The following SMCR8 variants were observed in gnomAD, a reference collection of about 807,000 sequenced individuals.
SMCR8 encodes SMCR8-C9orf72 complex subunit.
A neutral mutation model predicts 56.6 loss-of-function variants in SMCR8; 30 were observed. The observed-to-expected ratio is 0.53, with a 90% CI of 0.40 to 0.72. The LOEUF (loss-of-function observed/expected upper bound fraction) is 0.72. SMCR8 is among the 30% of genes least tolerant of loss of function. The pLI, the probability that SMCR8 is intolerant of heterozygous loss-of-function variation, is 0.00. For missense variants in SMCR8, 1,198 were observed against 1,157.0 expected (o/e 1.04, Z -0.51); for synonymous variants, 538 against 456.0 (o/e 1.18, Z -2.29).
chr17:18,323,073 T>A lies in SMCR8; in HGVS notation c.*3T>A. On this transcript the variant is annotated 3_prime_UTR_variant, in exon 2 of 2. Transcript: ENST00000406438. ...CCAGCTTTTTGTATAAAATCTGAGG[T>A]CGGTCCCAGACACTGTGACCAAGAC... 1 of 1,609,904 alleles carries A rather than the reference T, an allele frequency of 6.2e-7. No individual in the cohort carries two copies.
Position 18,317,367 on chromosome 17 carries a change from G to A in SMCR8, c.1578G>A (p.Glu526=), listed in dbSNP as rs749984944. ...AAGTCCTCAGTACCTGCCCCTCTGA[G>A]GCCCTCATCCCTGATGACTTTAAGG... is the stretch of plus-strand genomic sequence containing the variant. ...SIEVLSTCPS[E]ALIPDDFKAS... The change falls in exon 1 of 2, where the codon GAG becomes GAA. Residue 526 remains glutamate (E), a synonymous_variant. Transcript: ENST00000406438. The A allele has an allele frequency of 1.9e-6, 3 of 1,614,112 alleles. No homozygotes were observed. Among genetic ancestry groups the A allele is most frequent in the Admixed American group, 3.3e-5 (2 of 60,004 alleles).
intron 1 of SMCR8, among the ~76,000 whole-genome samples, chr17:18,318,437 C>G (rs1464235826): frequency 6.6e-6 from 1 of 152,196 alleles, no homozygotes; most frequent in Non-Finnish European, 1.5e-5. Context: ...AAGTCTCGCT[C>G]TTGTACCCCA....
chr17:18,316,788 G>T lies in SMCR8; in HGVS notation c.999G>T (p.Gln333His), dbSNP rs1367664689. The change falls in exon 1 of 2, where the codon CAG becomes CAT. Residue 333 changes from glutamine to histidine, a missense_variant. Gln to His is a conservative substitution (Grantham distance 24). Coordinates refer to ENST00000406438, the MANE Select transcript of SMCR8 (RefSeq NM_144775.3). The stretch of plus-strand genomic sequence containing the variant: ...TCTGTGACACTGAATATTTCACCCA[G>T]ACCCTGGCTCAGCTCAGCCACATTG... ...EELCDTEYFT[Q>H]TLAQLSHIEH... The T allele has an allele frequency of 1.9e-6, 3 of 1,614,242 alleles. No individual in the cohort carries two copies. The highest frequency in any genetic ancestry group is 2.5e-6 in the Non-Finnish European group (3 of 1,180,056).
Position 18,327,062 on chromosome 17 carries a change from G to A in SMCR8, c.*3992G>A, listed in dbSNP as rs1000087819. The A allele has an allele frequency of 1.3e-5, 2 of 152,476 alleles. No homozygotes were observed. The highest frequency in any genetic ancestry group is 4.8e-5 in the African/African-American group (2 of 41,460). 9.4% of individuals were successfully genotyped at this position (152,476 alleles called of 1,614,324 possible). On this transcript the variant is annotated 3_prime_UTR_variant, in exon 2 of 2. Coordinates refer to ENST00000406438, the MANE Select transcript of SMCR8 (RefSeq NM_144775.3). The stretch of plus-strand genomic sequence containing the variant: ...TGTGATGGAACATAATAAAACTGGA[G>A]ATATGGTTTTTAACACTGCAAAAAG...
intron 1 of SMCR8, among the ~76,000 whole-genome samples, chr17:18,318,633 A>G (rs1156681318): frequency 2.0e-5 from 3 of 152,030 alleles, no homozygotes; most frequent in Admixed American, 6.6e-5. Context: ...GGAACTCCTG[A>G]CCTTAGGTGG....
At position 18,316,133 on chromosome 17, in the gene SMCR8, T is replaced by A; in HGVS notation, c.344T>A (p.Leu115Gln). 6.2e-7 allele frequency: 1 copy of A among 1,614,162 alleles called. No individual in the cohort carries two copies. Among genetic ancestry groups the A allele is most frequent in the Non-Finnish European group, 8.5e-7 (1 of 1,180,038 alleles). The part of the protein sequence containing the change: ...GHPPGSAYPK[L>Q]NFVEDSKVVL... Reference sequence around the variant, plus strand: ...CCTCCTGGATCTGCCTACCCCAAGCTGAACTTCGTGGAGGACTCCAAGGTG... The same window carrying A: ...CCTCCTGGATCTGCCTACCCCAAGCAGAACTTCGTGGAGGACTCCAAGGTG... The change falls in exon 1 of 2, where the codon CTG (leucine) becomes CAG (glutamine). Residue 115 changes from leucine to glutamine, a missense_variant. Leu to Gln is a moderately radical substitution (Grantham distance 113). Transcript: ENST00000406438.
In SMCR8 at chr17:18,326,201, T is replaced by G. The variant is rs2151556649; in HGVS notation, c.*3131T>G. Reference sequence around the variant, plus strand: ...CTACTTTCTCAGTCCTCACTATTGCTTTGAGGGCCCAGGTACTGAAACTGG... The same window carrying G: ...CTACTTTCTCAGTCCTCACTATTGCGTTGAGGGCCCAGGTACTGAAACTGG... On this transcript the variant is annotated 3_prime_UTR_variant, in exon 2 of 2. Coordinates refer to ENST00000406438, the MANE Select transcript of SMCR8 (RefSeq NM_144775.3). 1 of 152,364 alleles carries G rather than the reference T, an allele frequency of 6.6e-6. No individual in the cohort carries two copies. The highest frequency in any genetic ancestry group is 2.4e-5 in the African/African-American group (1 of 41,576). 9.4% of individuals were successfully genotyped at this position (152,364 alleles called of 1,614,324 possible). A position where few individuals can be genotyped will look rare whatever the true frequency, so the allele number is the denominator to read the frequency against.
rs779924980 is a variant in SMCR8 at position 18,317,777 on chromosome 17, TCAGTAAGAC to T, written c.1992_2000del (p.Lys665_Ser667del). 2 of 1,614,088 alleles carry T rather than the reference TCAGTAAGAC, an allele frequency of 1.2e-6. No homozygotes were observed. The highest frequency in any genetic ancestry group is 2.2e-5 in the South Asian group (2 of 91,086). Reference sequence around the variant, plus strand: ...AGCCACCTGCTGGCTAGCCGGGACATCAGTAAGACCAGCCTGGACAACTACTCAGACACC... The same window carrying T: ...AGCCACCTGCTGGCTAGCCGGGACATCAGCCTGGACAACTACTCAGACACC... On this transcript the variant is annotated inframe_deletion, in exon 1 of 2. Coordinates refer to ENST00000406438, the MANE Select transcript of SMCR8 (RefSeq NM_144775.3).
Position 18,317,620 on chromosome 17 carries a change from G to T in SMCR8, c.1831G>T (p.Val611Leu). ...CCACACACACTCTGACGAGGATGGG[G>T]TGGTGAGCAGCCCCCCACAGCGCCA... Reference protein sequence around the residue: ...PAHTHSDEDGVVSSPPQRHRQ... With the variant: ...PAHTHSDEDGLVSSPPQRHRQ... The change falls in exon 1 of 2, where the codon GTG (valine) becomes TTG (leucine). Residue 611 changes from valine to leucine, a missense_variant. Val to Leu is a conservative substitution (Grantham distance 32). Transcript: ENST00000406438. The T allele has an allele frequency of 6.2e-7, 1 of 1,614,198 alleles. No individual in the cohort carries two copies.
intron 1 of SMCR8, among the ~76,000 whole-genome samples, chr17:18,322,133 G>A (rs1048371849): frequency 6.6e-5 from 10 of 152,030 alleles, no homozygotes; most frequent in Admixed American, 6.5e-4. Flanking sequence ...TGCCTCAGCC[G>A]CCCAAGTAGC....
In SMCR8 at chr17:18,315,978, C is replaced by T. The variant is rs1344249986; in HGVS notation, c.189C>T (p.Phe63=). ...GGGACTTCATTCTTATTTCCGAGTT[C>T]TCTGAGCAGGTGGGACCCCAACCCT... is the stretch of plus-strand genomic sequence containing the variant. ...FSRDFILISE[F]SEQVGPQPLL... Residue 63 remains phenylalanine (F), a synonymous_variant, in exon 1 of 2, where the codon TTC becomes TTT. Transcript: ENST00000406438. The T allele has an allele frequency of 1.2e-6, 2 of 1,614,194 alleles. No homozygotes were observed. Among genetic ancestry groups the T allele is most frequent in the East Asian group, 2.2e-5 (1 of 44,882 alleles).
In SMCR8 at chr17:18,317,392, G is replaced by T. The variant is rs774387631; in HGVS notation, c.1603G>T (p.Ala535Ser). 4.3e-6 allele frequency: 7 copies of T among 1,614,046 alleles called. No individual in the cohort carries two copies. Among genetic ancestry groups the T allele is most frequent in the Non-Finnish European group, 5.1e-6 (6 of 1,180,014 alleles). The stretch of plus-strand genomic sequence containing the variant: ...GGCCCTCATCCCTGATGACTTTAAG[G>T]CCAGCTACCCAAGTGCCATTAATGA... ...SEALIPDDFK[A>S]SYPSAINEEE... is the part of the protein sequence containing the mutation. Residue 535 changes from alanine (A) to serine (S), a missense_variant, in exon 1 of 2, where the codon GCC (alanine) becomes TCC (serine). Transcript: ENST00000406438.
intron 1 of SMCR8, among the ~76,000 whole-genome samples, chr17:18,319,309 A>G (rs571384702): frequency 9.9e-5 from 15 of 152,170 alleles, no homozygotes; most frequent in Non-Finnish European, 2.1e-4. Context: ...GCATGTCCAA[A>G]AAAACACAGC....
Position 18,323,421 on chromosome 17 carries a change from G to A in SMCR8, c.*351G>A. On this transcript the variant is annotated 3_prime_UTR_variant, in exon 2 of 2. Coordinates refer to ENST00000406438, the MANE Select transcript of SMCR8 (RefSeq NM_144775.3). ...AGGGCAGGAAGGCCAAAGCCTGATG[G>A]GAGGAGCACACTGGCTGTATTCAGC... 3.5e-6 allele frequency: 1 copy of A among 283,572 alleles called. No homozygotes were observed. Among genetic ancestry groups the A allele is most frequent in the Admixed American group, 4.7e-5 (1 of 21,284 alleles). The allele number at this position is 283,572 out of a possible 1,614,324, so 17.6% of individuals were successfully genotyped here. A position where few individuals can be genotyped will look rare whatever the true frequency, so the allele number is the denominator to read the frequency against.
chr17:18,322,174 G>C (rs1982517917), intron 1 of SMCR8, among the ~76,000 whole-genome samples: 1 of 152,066 alleles, frequency 6.6e-6, no homozygotes. Context: ...ACCACACCCG[G>C]CTAATTTTTT....
rs1982701296 is a variant in SMCR8 at position 18,327,448 on chromosome 17, AG to A, written c.*4381del. On this transcript the variant is annotated 3_prime_UTR_variant, in exon 2 of 2. Transcript: ENST00000406438. ...AAGACCACTTTGGTAGCAGAACTGT[AG>A]GGACTGGTGAGTCAACTCACAGATT... is the stretch of plus-strand genomic sequence containing the variant. The A allele has an allele frequency of 6.6e-6, 1 of 152,260 alleles. No individual in the cohort carries two copies. The highest frequency in any genetic ancestry group is 1.5e-5 in the Non-Finnish European group (1 of 68,064). 9.4% of individuals were successfully genotyped at this position (152,260 alleles called of 1,614,324 possible). A position where few individuals can be genotyped will look rare whatever the true frequency, so the allele number is the denominator to read the frequency against.
Position 18,316,862 on chromosome 17 carries a change from A to G in SMCR8, c.1073A>G (p.Asp358Gly), listed in dbSNP as rs540727387. ...TGTTACCTCCTGACCAGTCAGATTGATAGAGCACTTCTAAAACAACAGCAT... is the reference window on the plus strand; with the variant it reads ...TGTTACCTCCTGACCAGTCAGATTGGTAGAGCACTTCTAAAACAACAGCAT... ...DLCYLLTSQI[D>G]RALLKQQHIT... The change falls in exon 1 of 2, where the codon GAT becomes GGT. Residue 358 changes from aspartate (D) to glycine (G), a missense_variant. By Grantham distance (94) the Asp-to-Gly change is moderately conservative. Transcript: ENST00000406438. 1 of 1,614,224 alleles carries G rather than the reference A, an allele frequency of 6.2e-7. No individual in the cohort carries two copies.
In SMCR8 at chr17:18,317,630, G is replaced by A. The variant is rs1440165753; in HGVS notation, c.1841G>A (p.Ser614Asn). The change falls in exon 1 of 2, where the codon AGC becomes AAC. Residue 614 changes from serine (S) to asparagine (N), a missense_variant. Ser to Asn is a conservative substitution (Grantham distance 46). Coordinates refer to ENST00000406438, the MANE Select transcript of SMCR8 (RefSeq NM_144775.3). ...THSDEDGVVS[S>N]PPQRHRQKDQ... The stretch of plus-strand genomic sequence containing the variant: ...TCTGACGAGGATGGGGTGGTGAGCA[G>A]CCCCCCACAGCGCCACAGGCAGAAG... 1.2e-6 allele frequency: 2 copies of A among 1,614,126 alleles called. No homozygotes were observed. Among genetic ancestry groups the A allele is most frequent in the Non-Finnish European group, 8.5e-7 (1 of 1,180,032 alleles).
At chr17:18,319,025 C>T (rs55940735) in intron 1 of SMCR8, among the ~76,000 whole-genome samples, 16,595 of 152,170 alleles carry the variant, frequency 0.11, 1,012 homozygotes, top group South Asian at 0.18. Context: ...GGGTCCCCTG[C>T]GGGGCCAAAC....
Sources: gnomAD v4.1 joint callset for allele counts (sites outside exome capture counted in the v4.1 genomes callset) on GRCh38, gnomAD v4.1.1 for gene constraint, MANE v1.5 for transcripts, NCBI Gene and HGNC (gene_info 2026-07-23, HGNC 2026-07-21) for gene names.